ARID1A: variants seen among roughly 807,000 people sequenced by gnomAD.
The protein encoded by ARID1A is AT-rich interactive domain-containing protein 1A.
ARID1A carries 20 observed loss-of-function variants against 212.6 expected under a neutral mutation model. That is an observed-to-expected ratio of 0.09 (90% CI 0.07 to 0.14). The LOEUF (loss-of-function observed/expected upper bound fraction) is 0.14. Ranked by LOEUF, ARID1A falls within the 10% of genes least tolerant of loss-of-function variation. The pLI, the probability that ARID1A is intolerant of heterozygous loss-of-function variation, is 1.00. For missense variants in ARID1A, 2,587 were observed against 3,059.0 expected, an observed-to-expected ratio of 0.85 and a Z score of 3.64; for synonymous variants, 1,376 against 1,222.1, an observed-to-expected ratio of 1.13 and a Z score of -2.63.
At chr1:26,698,985 G>A (rs995507516) in intron 1 of ARID1A, among the ~76,000 whole-genome samples, 1 of 152,176 alleles carries the variant, frequency 6.6e-6, no homozygotes, top group African/African-American at 2.4e-5. Flanking sequence ...TGGAATAGCA[G>A]CTTAATTTAA....
rs2080998820 is a variant in ARID1A at position 26,762,204 on chromosome 1, C to T, written c.2304C>T (p.Gly768=). Reference sequence around the variant, plus strand: ...CCCAGTACAGTTCCCCCCAGCCCGGCTCAGCCTTATCTCCGCGTCAGCCTT... The same window carrying T: ...CCCAGTACAGTTCCCCCCAGCCCGGTTCAGCCTTATCTCCGCGTCAGCCTT... ...QMPQYSSPQP[G]SALSPRQPSG... The change falls in exon 7 of 20, where the codon GGC becomes GGT. Residue 768 remains glycine (G), a synonymous_variant. Coordinates refer to ENST00000324856, the MANE Select transcript of ARID1A (RefSeq NM_006015.6). 2 of 1,614,080 alleles carry T rather than the reference C, an allele frequency of 1.2e-6. No individual in the cohort carries two copies. Among genetic ancestry groups the T allele is most frequent in the Non-Finnish European group, 1.7e-6 (2 of 1,180,040 alleles).
chr1:26,780,555 G>C lies in ARID1A; in HGVS notation c.6657G>C (p.Gln2219His). The stretch of plus-strand genomic sequence containing the variant: ...GCCAGGCCAGCCTCCTCCACATGCA[G>C]AACCCACCCTTTGAGCCAACTAGTG... ...QQSQASLLHM[Q>H]NPPFEPTSVD... The change falls in exon 20 of 20, where the codon CAG (glutamine) becomes CAC (histidine). Residue 2219 changes from glutamine to histidine, a missense_variant. Physicochemically the swap from Gln to His is conservative, Grantham distance 24. Around this residue, in one of 11 missense-constraint regions of ARID1A, gnomAD observed 24 missense variants for 16.5 expected, o/e 1.46. Transcript: ENST00000324856. The surrounding 1 kb of genome is among the most constrained non-coding windows in gnomAD (Gnocchi z 7.2). The C allele has an allele frequency of 6.2e-7, 1 of 1,614,160 alleles. No homozygotes were observed. The highest frequency in any genetic ancestry group is 1.1e-5 in the South Asian group (1 of 91,082).
rs905028956 is a variant in ARID1A at position 26,696,745 on chromosome 1, C to G, written c.342C>G (p.Asn114Lys). 6 of 1,370,724 alleles carry G rather than the reference C, an allele frequency of 4.4e-6. No individual in the cohort carries two copies. The highest frequency in any genetic ancestry group is 5.6e-6 in the Non-Finnish European group (6 of 1,064,794). The allele number at this position is 1,370,724 out of a possible 1,614,324, so 84.9% of individuals were successfully genotyped here. A position where few individuals can be genotyped will look rare whatever the true frequency, so the allele number is the denominator to read the frequency against. Residue 114 changes from asparagine (N) to lysine (K), a missense_variant, in exon 1 of 20, where the codon AAC (asparagine) becomes AAG (lysine). Transcript: ENST00000324856. ...NGNAGPRPALNNNLTEPPGGG... is the reference protein window; with the variant it reads ...NGNAGPRPALKNNLTEPPGGG... Reference sequence around the variant, plus strand: ...ACGCGGGCCCTAGGCCCGCCCTGAACAATAACCTCACGGAGCCGCCCGGCG... The same window carrying G: ...ACGCGGGCCCTAGGCCCGCCCTGAAGAATAACCTCACGGAGCCGCCCGGCG...
At chr1:26,762,946 C>T (rs1204732234) in intron 7 of ARID1A, 27 bp from the exon 8 acceptor site, 1 of 1,550,140 alleles carries the variant, frequency 6.5e-7, no homozygotes, top group Non-Finnish European at 8.8e-7. Flanking sequence ...GAGTGACTAA[C>T]CAAGTCTTGT....
At chr1:26,713,043 G>A (rs1295329692) in intron 1 of ARID1A, among the ~76,000 whole-genome samples, 1 of 152,202 alleles carries the variant, frequency 6.6e-6, no homozygotes, top group East Asian at 1.9e-4. Context: ...GGACCTAGCT[G>A]CAATGAAGGC....
At position 26,779,743 on chromosome 1, in the gene ARID1A, C is replaced by T. The variant is rs1479460633; in HGVS notation, c.5845C>T (p.His1949Tyr). ...FPFGISPAQS[H>Y]RNIKILEDEP... ...ATTTGGCATTAGCCCAGCACAGAGC[C>T]ACCGGAACATCAAGATCCTAGAGGA... The change falls in exon 20 of 20, where the codon CAC becomes TAC. Residue 1949 changes from histidine to tyrosine, a missense_variant. By Grantham distance (83) the His-to-Tyr change is moderately conservative. Around this residue, in one of 11 missense-constraint regions of ARID1A, gnomAD observed 890 missense variants for 1,098.2 expected, o/e 0.81. Transcript: ENST00000324856. 6.2e-7 allele frequency: 1 copy of T among 1,614,154 alleles called. No homozygotes were observed. Among genetic ancestry groups the T allele is most frequent in the East Asian group, 2.2e-5 (1 of 44,886 alleles).
chr1:26,741,879 T>C (rs1283491852), intron 4 of ARID1A, among the ~76,000 whole-genome samples: 3 of 152,192 alleles, frequency 2.0e-5, no homozygotes, highest in African/African-American at 7.2e-5. Flanking sequence ...ATTACATTGG[T>C]CTAGAAAGAG....
At chr1:26,753,271 T>A (rs2124025741) in intron 4 of ARID1A, 1 of 152,326 alleles carries the variant, frequency 6.6e-6, no homozygotes, top group Admixed American at 6.5e-5. Flanking sequence ...AGGCATGGTT[T>A]TGTTGTGGTG....
chr1:26,751,712 T>G (rs1027000689), intron 4 of ARID1A, among the ~76,000 whole-genome samples: 3 of 152,156 alleles, frequency 2.0e-5, no homozygotes, highest in Non-Finnish European at 2.9e-5. Flanking sequence ...ATAAAGGAAC[T>G]TTATTAACTT....
chr1:26,746,710 G>GGT (rs2080838310), intron 4 of ARID1A, among the ~76,000 whole-genome samples: 1 of 152,000 alleles, frequency 6.6e-6, no homozygotes, highest in African/African-American at 2.4e-5. Flanking sequence ...TGGACAACAT[G>GGT]GTGAAACCCT....
chr1:26,719,865 C>T (rs1169191678), intron 1 of ARID1A, among the ~76,000 whole-genome samples: 10 of 145,750 alleles, frequency 6.9e-5, no homozygotes, highest in African/African-American at 1.3e-4. Context: ...TGCTTGAACC[C>T]GGGAGGCAGA....
rs1172156577 is a variant in ARID1A at position 26,778,726 on chromosome 1, T to A, written c.5125-297T>A. 27 of 271,188 alleles carry A rather than the reference T, an allele frequency of 1.0e-4. 1 individual carries two copies. Among genetic ancestry groups the A allele is most frequent in the African/African-American group, 3.1e-4 (14 of 45,534 alleles). 16.8% of individuals were successfully genotyped at this position (271,188 alleles called of 1,614,324 possible). On this transcript the variant is annotated intron_variant, in intron 19 of 19. Transcript: ENST00000324856. ...GGCCTGGTGAAGAAAAGCAGAAGATTAATTGGGAAAAGAGAAGGCTAAGAG... is the reference window on the plus strand; with the variant it reads ...GGCCTGGTGAAGAAAAGCAGAAGATAAATTGGGAAAAGAGAAGGCTAAGAG...
intron 1 of ARID1A, among the ~76,000 whole-genome samples, chr1:26,705,539 T>C (rs563347086): frequency 2.6e-4 from 39 of 152,328 alleles, no homozygotes; most frequent in Middle Eastern, 3.4e-3. Flanking sequence ...TTTTCCACTT[T>C]TTTTGCCTTG....
Position 26,780,801 on chromosome 1 carries a change from G to A in ARID1A, c.*45G>A, listed in dbSNP as rs759773973. On this transcript the variant is annotated 3_prime_UTR_variant, in exon 20 of 20. Transcript: ENST00000324856. The surrounding 1 kb of genome is among the most constrained non-coding windows in gnomAD (Gnocchi z 7.2). ...CCCCCCGTGTGTGTGTGCGTGTGTG[G>A]AGAACTTAGAAACTGACTGTTGCCC... 4.6e-6 allele frequency: 7 copies of A among 1,520,528 alleles called. No individual in the cohort carries two copies. In the African/African-American group the frequency reaches 8.3e-5, roughly 18 times the overall value. The allele number at this position is 1,520,528 out of a possible 1,614,324, so 94.2% of individuals were successfully genotyped here. A position where few individuals can be genotyped will look rare whatever the true frequency, so the allele number is the denominator to read the frequency against.
chr1:26,766,265 C>T lies in ARID1A; in HGVS notation c.2777C>T (p.Thr926Ile), dbSNP rs2124079535. Residue 926 changes from threonine to isoleucine, a missense_variant, in exon 9 of 20, where the codon ACT becomes ATT. Transcript: ENST00000324856. The part of the protein sequence containing the change: ...PNMNQGGMMG[T>I]GPPYGQGINS... ...ATGAATCAAGGGGGCATGATGGGAA[C>T]TGGACCTCCTTATGGACAAGGGATT... 2 of 1,614,152 alleles carry T rather than the reference C, an allele frequency of 1.2e-6. No individual in the cohort carries two copies. The highest frequency in any genetic ancestry group is 1.7e-6 in the Non-Finnish European group (2 of 1,180,028).
chr1:26,714,748 C>A (rs140743245), intron 1 of ARID1A, among the ~76,000 whole-genome samples: 1 of 152,230 alleles, frequency 6.6e-6, no homozygotes, highest in African/African-American at 2.4e-5. Context: ...TTCCCTGGGC[C>A]GTTCTTTAAC....
chr1:26,710,496 C>CACACACACACACAT (rs2124762972), intron 1 of ARID1A, among the ~76,000 whole-genome samples: 1 of 145,380 alleles, frequency 6.9e-6, no homozygotes. Context: ...ATAATACATA[C>CACACACACACACAT]ACACACACAC....
chr1:26,755,028 G>GAA (rs2080916142), intron 4 of ARID1A, among the ~76,000 whole-genome samples: 1 of 152,150 alleles, frequency 6.6e-6, no homozygotes, highest in South Asian at 2.1e-4. Flanking sequence ...AGGATGGCTT[G>GAA]AACCCAGGAG....
intron 1 of ARID1A, among the ~76,000 whole-genome samples, chr1:26,697,963 C>A (rs1281801831): frequency 6.6e-6 from 1 of 152,172 alleles, no homozygotes; most frequent in Non-Finnish European, 1.5e-5. Context: ...CGTCCCCCGG[C>A]CTTCCTCTGG....
Sources: allele counts gnomAD v4.1 joint callset (sites outside exome capture counted in the v4.1 genomes callset), GRCh38; gene constraint gnomAD v4.1.1; regional missense constraint gnomAD v4.1.1; non-coding constraint Gnocchi (gnomAD v3.1); transcripts MANE v1.5; gene names NCBI Gene and HGNC (gene_info 2026-07-23, HGNC 2026-07-21).